The following GAB2 variants were observed in gnomAD, a reference collection of about 807,000 sequenced individuals.
GAB2 encodes the protein GRB2 associated binding protein 2.
Under a neutral mutation model 65.5 loss-of-function variants are expected in GAB2, and 26 were observed. The observed-to-expected ratio is 0.40, with a 90% CI of 0.29 to 0.55. The LOEUF (loss-of-function observed/expected upper bound fraction) is 0.55. GAB2 is among the 20% of genes least tolerant of loss of function. The pLI is 0.53. For synonymous variants in GAB2, 321 were observed against 329.6 expected, an observed-to-expected ratio of 0.97 and a Z score of 0.28; for missense variants, 884 against 875.8, an observed-to-expected ratio of 1.01 and a Z score of -0.12.
chr11:78,226,379 C>T, intron 4 of GAB2, 86 bp downstream of exon 4: 1 of 1,084,842 alleles, frequency 9.2e-7, no homozygotes, highest in South Asian at 1.3e-5. Flanking sequence ...TCCCCTCGGC[C>T]ATGGATGACC....
chr11:78,286,726 A>G (rs1486675022), intron 1 of GAB2, among the ~76,000 whole-genome samples: 2 of 152,212 alleles, frequency 1.3e-5, no homozygotes, highest in African/African-American at 4.8e-5. Flanking sequence ...TAGATTCTCT[A>G]TGGTGTGAGT....
intron 3 of GAB2, 86 bp downstream of exon 3, chr11:78,250,071 G>A: frequency 7.4e-7 from 1 of 1,351,122 alleles, no homozygotes; most frequent in African/African-American, 1.4e-5. Context: ...ATAATGTTTT[G>A]CTTGTCTTTA....
chr11:78,250,214 G>A lies in GAB2; in HGVS notation c.563C>T (p.Ala188Val), dbSNP rs1433517288. 6.2e-7 allele frequency: 1 copy of A among 1,613,278 alleles called. No individual in the cohort carries two copies. The highest frequency in any genetic ancestry group is 2.2e-5 in the East Asian group (1 of 44,850). ...GTGCAAGTAGAGATACTCCTGAGGT[G>A]CGCTGGTGGACAAGGTGGGCTGCAT... is the stretch of plus-strand genomic sequence containing the variant. ...NHMQPTLSTS[A>V]PQEYLYLHQC... The change falls in exon 3 of 10, where the codon GCA (alanine) becomes GTA (valine). Residue 188 changes from alanine (A) to valine (V), a missense_variant. By Grantham distance (64) the Ala-to-Val change is moderately conservative. Transcript: ENST00000361507.
At chr11:78,351,287 T>A (rs1856274216) in intron 1 of GAB2, among the ~76,000 whole-genome samples, 1 of 152,082 alleles carries the variant, frequency 6.6e-6, no homozygotes, top group Admixed American at 6.6e-5. Context: ...ATTATTTATT[T>A]CTACATACAA....
chr11:78,269,038 CTTTT>C (rs111619816), intron 2 of GAB2, among the ~76,000 whole-genome samples: 1 of 148,636 alleles, frequency 6.7e-6, no homozygotes, highest in Non-Finnish European at 1.5e-5. Flanking sequence ...TTTTTTCTTT[CTTTT>C]TTTTTTAAAG....
chr11:78,381,893 C>T (rs1020481537), intron 1 of GAB2, among the ~76,000 whole-genome samples: 1 of 152,210 alleles, frequency 6.6e-6, no homozygotes, highest in Admixed American at 6.5e-5. Context: ...CACTTAACTT[C>T]GCAGTTCCTT....
intron 1 of GAB2, among the ~76,000 whole-genome samples, chr11:78,378,529 T>A (rs931840258): frequency 6.6e-6 from 1 of 152,206 alleles, no homozygotes; most frequent in African/African-American, 2.4e-5. Flanking sequence ...TCAATTCTCA[T>A]AGCAACCCTG....
At position 78,226,720 on chromosome 11, in the gene GAB2, C is replaced by A; in HGVS notation, c.952G>T (p.Ala318Ser). The part of the protein sequence containing the change: ...DLLVDNMDVP[A>S]TPLSAYQIPR... ...ATCTGGTAGGCTGAGAGTGGGGTGGCCGGAACATCCATATTGTCTACCAGG... is the reference window on the plus strand; with the variant it reads ...ATCTGGTAGGCTGAGAGTGGGGTGGACGGAACATCCATATTGTCTACCAGG... Residue 318 changes from alanine to serine, a missense_variant, in exon 4 of 10, where the codon GCC (alanine) becomes TCC (serine). Transcript: ENST00000361507. 1 of 1,613,848 alleles carries A rather than the reference C, an allele frequency of 6.2e-7. No homozygotes were observed. The highest frequency in any genetic ancestry group is 1.7e-5 in the Admixed American group (1 of 59,988).
At chr11:78,375,681 A>T (rs183752708) in intron 1 of GAB2, among the ~76,000 whole-genome samples, 1 of 152,294 alleles carries the variant, frequency 6.6e-6, no homozygotes, top group African/African-American at 2.4e-5. Flanking sequence ...AGAGGCAGAG[A>T]AAAGGCCCGA....
chr11:78,330,147 G>A (rs985218549), intron 1 of GAB2, among the ~76,000 whole-genome samples: 5 of 152,170 alleles, frequency 3.3e-5, no homozygotes, highest in African/African-American at 1.2e-4. Context: ...TATGGGGTGT[G>A]GGTGGGGGTT....
intron 2 of GAB2, among the ~76,000 whole-genome samples, chr11:78,274,883 C>T (rs997861411): frequency 1.3e-5 from 2 of 152,160 alleles, no homozygotes; most frequent in Non-Finnish European, 2.9e-5. Context: ...AAAAACACAG[C>T]ACATTATAAT....
intron 1 of GAB2, among the ~76,000 whole-genome samples, chr11:78,415,616 GTTAC>G (rs994112741): frequency 7.2e-5 from 11 of 152,168 alleles, no homozygotes; most frequent in African/African-American, 2.4e-4. Context: ...AAGAAAAGCT[GTTAC>G]TTAAAGCTGT....
At chr11:78,315,866 A>C (rs1410837007) in intron 1 of GAB2, among the ~76,000 whole-genome samples, 1 of 152,182 alleles carries the variant, frequency 6.6e-6, no homozygotes, top group Non-Finnish European at 1.5e-5. Context: ...TTATCTGTGA[A>C]GGTGCTGCCA....
At chr11:78,355,638 C>T (rs535119332) in intron 1 of GAB2, among the ~76,000 whole-genome samples, 3 of 146,640 alleles carry the variant, frequency 2.0e-5, no homozygotes, top group Non-Finnish European at 4.4e-5. Flanking sequence ...GATTGCGCCA[C>T]CGCTCTTCAG....
chr11:78,271,844 G>A (rs1866017475), intron 2 of GAB2, among the ~76,000 whole-genome samples: 1 of 152,204 alleles, frequency 6.6e-6, no homozygotes, highest in African/African-American at 2.4e-5. Context: ...ATCTCATCTT[G>A]AATTCCCACG....
At chr11:78,333,567 C>T (rs1235779288) in intron 1 of GAB2, among the ~76,000 whole-genome samples, 1 of 152,192 alleles carries the variant, frequency 6.6e-6, no homozygotes, top group Admixed American at 6.5e-5. Flanking sequence ...CACCCCCTGC[C>T]CAGTGGCATA....
chr11:78,240,889 G>A (rs550500710), intron 3 of GAB2, among the ~76,000 whole-genome samples: 1 of 152,300 alleles, frequency 6.6e-6, no homozygotes, highest in Admixed American at 6.5e-5. Flanking sequence ...CCATGCTACG[G>A]AGAGTGAACC....
At chr11:78,236,848 A>G (rs1431977087) in intron 3 of GAB2, among the ~76,000 whole-genome samples, 2 of 152,146 alleles carry the variant, frequency 1.3e-5, no homozygotes, top group African/African-American at 4.8e-5. Flanking sequence ...CTTACCCCTA[A>G]TGTATACACA....
chr11:78,286,641 A>T (rs1446949690), intron 1 of GAB2, among the ~76,000 whole-genome samples: 1 of 152,150 alleles, frequency 6.6e-6, no homozygotes, highest in East Asian at 1.9e-4. Context: ...CTTATACGTA[A>T]GCTTTCACAG....
Sources: gnomAD v4.1 joint callset for allele counts (sites outside exome capture counted in the v4.1 genomes callset) on GRCh38, gnomAD v4.1.1 for gene constraint, MANE v1.5 for transcripts, NCBI Gene and HGNC (gene_info 2026-07-23, HGNC 2026-07-21) for gene names.